Variants in NXPE2 observed in about 807,000 individuals in gnomAD.
NXPE2 encodes the protein neurexophilin and PC-esterase domain family member 2.
A neutral mutation model predicts 34.4 loss-of-function variants in NXPE2; 34 were observed. The observed-to-expected ratio is 0.99, with a 90% CI of 0.75 to 1.31. NXPE2 has a LOEUF of 1.31. NXPE2 is among the 40% of genes most tolerant of loss of function. The probability of loss-of-function intolerance (pLI) is 0.00; values close to 1 mark genes in which losing one functional copy is unlikely to be tolerated. For synonymous variants in NXPE2, 235 were observed against 231.3 expected (o/e 1.02, Z -0.15); for missense variants, 649 against 672.5 (o/e 0.97, Z 0.39).
chr11:114,631,871 C>T, the NXPE2 span, among the ~76,000 whole-genome samples: 13,938 of 150,940 alleles, frequency 0.092, 816 homozygotes, highest in Middle Eastern at 0.19. Flanking sequence ...CGTGGGTAAC[C>T]GCTGTTACCC....
chr11:114,649,423 T>C, the NXPE2 span, among the ~76,000 whole-genome samples: 2 of 152,188 alleles, frequency 1.3e-5, no homozygotes, highest in Non-Finnish European at 2.9e-5. Flanking sequence ...GAACTACTAG[T>C]ACATGTTAGC....
the NXPE2 span, among the ~76,000 whole-genome samples, chr11:114,556,651 C>T: frequency 2.6e-5 from 4 of 151,980 alleles, no homozygotes; most frequent in South Asian, 8.3e-4. Flanking sequence ...CTAGTTTCTG[C>T]CAGTTTTTGG....
At chr11:114,580,305 A>G in the NXPE2 span, 21 of 1,614,046 alleles carry the variant, frequency 1.3e-5, no homozygotes, top group African/African-American at 2.3e-4. Context: ...TGTCATTCCA[A>G]ACTTGCATTT....
the NXPE2 span, among the ~76,000 whole-genome samples, chr11:114,629,776 T>C: frequency 2.7e-5 from 4 of 150,762 alleles, no homozygotes; most frequent in Non-Finnish European, 4.4e-5. Context: ...AAAACCCCAT[T>C]GTCTCAGCCC....
At chr11:114,623,006 TAA>T in the NXPE2 span, among the ~76,000 whole-genome samples, 271 of 152,176 alleles carry the variant, frequency 1.8e-3, 2 homozygotes, top group Middle Eastern at 0.01. Flanking sequence ...TGGTGGATAA[TAA>T]GTGTTGCCTT....
the NXPE2 span, among the ~76,000 whole-genome samples, chr11:114,807,287 C>T: frequency 4.6e-5 from 7 of 152,202 alleles, no homozygotes; most frequent in Admixed American, 1.3e-4. Context: ...CATCAACTAA[C>T]GAGCAAAATA....
chr11:114,799,310 A>AG, the NXPE2 span, among the ~76,000 whole-genome samples: 1 of 105,622 alleles, frequency 9.5e-6, no homozygotes. Flanking sequence ...AAAAAAAAAA[A>AG]AAAAATTGGT....
chr11:114,791,788 G>C, the NXPE2 span, among the ~76,000 whole-genome samples: 1 of 152,210 alleles, frequency 6.6e-6, no homozygotes, highest in African/African-American at 2.4e-5. Context: ...CAGGCGCGGT[G>C]GCTCACGCCT....
chr11:114,754,939 C>T, the NXPE2 span, among the ~76,000 whole-genome samples: 3 of 152,140 alleles, frequency 2.0e-5, no homozygotes, highest in Admixed American at 6.5e-5. Context: ...TAATATTAAA[C>T]AACCAGCATG....
the NXPE2 span, among the ~76,000 whole-genome samples, chr11:114,773,312 C>T: frequency 7.5e-6 from 1 of 134,070 alleles, no homozygotes; most frequent in African/African-American, 2.7e-5. Flanking sequence ...GCACTCATAG[C>T]TCTTCCTCTG....
chr11:114,536,251 C>T, the NXPE2 span, among the ~76,000 whole-genome samples: 1 of 152,140 alleles, frequency 6.6e-6, no homozygotes, highest in Non-Finnish European at 1.5e-5. Context: ...AAAGACACAA[C>T]ATACCAGAAT....
the NXPE2 span, among the ~76,000 whole-genome samples, chr11:114,786,172 C>T: frequency 6.6e-6 from 1 of 152,196 alleles, no homozygotes; most frequent in Non-Finnish European, 1.5e-5. Flanking sequence ...AACACCCTTT[C>T]CCTGCATTGC....
chr11:114,790,082 G>C, the NXPE2 span, among the ~76,000 whole-genome samples: 1 of 152,172 alleles, frequency 6.6e-6, no homozygotes, highest in East Asian at 1.9e-4. Context: ...AAGCCCTGCT[G>C]CTCCCTGTGT....
chr11:114,572,053 C>T, the NXPE2 span, among the ~76,000 whole-genome samples: 3 of 152,168 alleles, frequency 2.0e-5, no homozygotes, highest in Admixed American at 1.3e-4. Context: ...GCTGCAAGAC[C>T]TGAAGATGGG....
At chr11:114,561,158 G>A in the NXPE2 span, among the ~76,000 whole-genome samples, 24 of 152,136 alleles carry the variant, frequency 1.6e-4, no homozygotes, top group African/African-American at 5.8e-4. Flanking sequence ...AAGATCACAA[G>A]TATTATTAGT....
In NXPE2 at chr11:114,685,049, A is replaced by T. The variant is rs147883525; in HGVS notation, c.132+5287A>T. Among the ~76,000 whole-genome samples, 318 of 152,310 alleles carry T rather than the reference A, an allele frequency of 2.1e-3. 1 individual carries two copies. The highest frequency in any genetic ancestry group is 7.1e-3 in the African/African-American group (297 of 41,574). ...TCCAGTTGGTCAAAAAGTGACAGAGAAGAGGAGGATTATGTAGTAATTGGT... is the reference window on the plus strand; with the variant it reads ...TCCAGTTGGTCAAAAAGTGACAGAGTAGAGGAGGATTATGTAGTAATTGGT... On this transcript the variant is annotated intron_variant, in intron 2 of 5. Transcript: ENST00000389586.
the NXPE2 span, among the ~76,000 whole-genome samples, chr11:114,727,636 C>T: frequency 5.3e-5 from 8 of 151,942 alleles, no homozygotes; most frequent in African/African-American, 1.4e-4. Flanking sequence ...TACATCCTTC[C>T]TCTCCTTACT....
At chr11:114,464,320 C>T in the NXPE2 span, among the ~76,000 whole-genome samples, 1 of 151,888 alleles carries the variant, frequency 6.6e-6, no homozygotes, top group Non-Finnish European at 1.5e-5. Context: ...GGCGTGTTGC[C>T]CAGACTGAAA....
chr11:114,545,695 T>TG, the NXPE2 span, among the ~76,000 whole-genome samples: 1 of 151,576 alleles, frequency 6.6e-6, no homozygotes, highest in African/African-American at 2.4e-5. Context: ...GTGGATCTTT[T>TG]TTTTTTTTTT....
Sources: gnomAD v4.1 joint callset for allele counts (sites outside exome capture counted in the v4.1 genomes callset) on GRCh38, gnomAD v4.1.1 for gene constraint, MANE v1.5 for transcripts, NCBI Gene and HGNC (gene_info 2026-07-23, HGNC 2026-07-21) for gene names.